PCDHGA2: variants seen among roughly 807,000 people sequenced by gnomAD.
PCDHGA2 encodes the protein protocadherin gamma subfamily A, 2.
Under a neutral mutation model 59.2 loss-of-function variants are expected in PCDHGA2, and 40 were observed. The ratio of observed to expected loss-of-function variants is 0.68; its 90% CI spans 0.52 to 0.88. The LOEUF (loss-of-function observed/expected upper bound fraction) is 0.88, where lower values mean the gene tolerates loss of function less well. Among genes scored for constraint, PCDHGA2 ranks in the 40% least tolerant of loss-of-function variants. PCDHGA2 has a pLI of 0.00. For missense variants in PCDHGA2, 1,226 were observed against 1,204.0 expected, an observed-to-expected ratio of 1.02 and a Z score of -0.27; for synonymous variants, 560 against 526.0, an observed-to-expected ratio of 1.06 and a Z score of -0.89.
At chr5:141,393,937 ACT>A in intron 1 of PCDHGA2, 3 of 1,613,906 alleles carry the variant, frequency 1.9e-6, no homozygotes, top group Non-Finnish European at 2.5e-6. Flanking sequence ...CATGACCAAG[ACT>A]CTGGAAAGAA....
At position 141,356,324 on chromosome 5, in the gene PCDHGA2, A is replaced by C. The variant is rs1206704066; in HGVS notation, c.2424+14929A>C. 3.2e-6 allele frequency: 5 copies of C among 1,554,266 alleles called. No individual in the cohort carries two copies. The East Asian group carries it at 1.2e-4, about 38-fold the overall frequency. ...GCACTTTTCAACGTGCATGACAGTG[A>C]CTCAGGAGGAAATGGCCTAGTCACA... On this transcript the variant is annotated intron_variant, in intron 1 of 3. Coordinates refer to ENST00000394576, the MANE Select transcript of PCDHGA2 (RefSeq NM_018915.4).
At chr5:141,361,287 C>A (rs762239978) in intron 1 of PCDHGA2, 1 of 1,613,944 alleles carries the variant, frequency 6.2e-7, no homozygotes, top group South Asian at 1.1e-5. Flanking sequence ...AAGTTTACTG[C>A]CAAGTGTTGG....
chr5:141,398,586 A>G, intron 1 of PCDHGA2: 2 of 1,614,054 alleles, frequency 1.2e-6, no homozygotes, highest in Non-Finnish European at 1.7e-6. Flanking sequence ...CAAGATTTAT[A>G]CTAGAAGTAG....
intron 1 of PCDHGA2, among the ~76,000 whole-genome samples, chr5:141,494,328 G>T (rs1595238527): frequency 6.6e-6 from 1 of 152,200 alleles, no homozygotes; most frequent in Non-Finnish European, 1.5e-5. Flanking sequence ...CACCAAAAGG[G>T]TTACCAAGAA....
At chr5:141,383,319 A>G (rs778348189) in intron 1 of PCDHGA2, 1 of 1,614,020 alleles carries the variant, frequency 6.2e-7, no homozygotes, top group Non-Finnish European at 8.5e-7. Context: ...AAATAAATGT[A>G]AAAATAATGG....
At chr5:141,405,380 A>G in intron 1 of PCDHGA2, 1 of 1,602,960 alleles carries the variant, frequency 6.2e-7, no homozygotes, top group Non-Finnish European at 8.5e-7. Context: ...GGTTCCGGTG[A>G]GTTCATTTTT....
Position 141,431,205 on chromosome 5 carries a change from A to T in PCDHGA2, c.2425-63602A>T, listed in dbSNP as rs1438031040. ...AAAATTAGTGAAAATGCAGCCACTG[A>T]GATGCGGTTCCCTCTACCCCACGCC... On this transcript the variant is annotated intron_variant, in intron 1 of 3. Transcript: ENST00000394576. This position sits in a 1 kb window ranked among gnomAD's most constrained non-coding sequence, Gnocchi z 4.8. 1.1e-5 allele frequency: 18 copies of T among 1,614,092 alleles called. No homozygotes were observed. Among genetic ancestry groups the T allele is most frequent in the Non-Finnish European group, 1.5e-5 (18 of 1,180,056 alleles).
intron 1 of PCDHGA2, among the ~76,000 whole-genome samples, chr5:141,449,921 C>T (rs2098659300): frequency 6.6e-6 from 1 of 151,648 alleles, no homozygotes; most frequent in African/African-American, 2.4e-5. Flanking sequence ...TTAAATTCTA[C>T]CATACCTTAT....
Position 141,432,602 on chromosome 5 carries a change from G to A in PCDHGA2, c.2425-62205G>A. The A allele has an allele frequency of 6.2e-7, 1 of 1,613,966 alleles. No homozygotes were observed. Among genetic ancestry groups the A allele is most frequent in the Non-Finnish European group, 8.5e-7 (1 of 1,179,972 alleles). On this transcript the variant is annotated intron_variant, in intron 1 of 3. Transcript: ENST00000394576. This position sits in a 1 kb window ranked among gnomAD's most constrained non-coding sequence, Gnocchi z 6.0. ...CCGTCTGCTCAAGGCCAGCGAGCCG[G>A]GACTCTTCTCGGTGGGTCTGCACAC...
intron 1 of PCDHGA2, chr5:141,370,166 G>T: frequency 2.2e-6 from 1 of 458,978 alleles, no homozygotes; most frequent in East Asian, 3.2e-5. Flanking sequence ...CTGCAGCAGA[G>T]GCGCCGGGTG....
Position 141,478,415 on chromosome 5 carries a change from C to A in PCDHGA2, c.2425-16392C>A, listed in dbSNP as rs182700706. 5.6e-6 allele frequency: 9 copies of A among 1,613,648 alleles called. No homozygotes were observed. In the East Asian group the frequency reaches 2.0e-4, roughly 36 times the overall value. ...TCAGGTGTATCTCACCACGGACTCC[C>A]GCCGCAGCGACCCGCTGCTGAAGAA... On this transcript the variant is annotated intron_variant, in intron 1 of 3. Coordinates refer to ENST00000394576, the MANE Select transcript of PCDHGA2 (RefSeq NM_018915.4).
At chr5:141,458,403 C>T (rs1057108239) in intron 1 of PCDHGA2, among the ~76,000 whole-genome samples, 6 of 152,136 alleles carry the variant, frequency 3.9e-5, no homozygotes, top group African/African-American at 1.2e-4. Context: ...CTTGCAGAGA[C>T]GGAGCGGGGG....
intron 1 of PCDHGA2, chr5:141,441,982 G>T: frequency 3.6e-6 from 1 of 277,096 alleles, no homozygotes; most frequent in South Asian, 3.6e-5. Flanking sequence ...CCTGGAATGC[G>T]CACCGACGAG....
At chr5:141,437,040 C>G (rs188070264) in intron 1 of PCDHGA2, among the ~76,000 whole-genome samples, 1 of 152,266 alleles carries the variant, frequency 6.6e-6, no homozygotes, top group African/African-American at 2.4e-5. Flanking sequence ...ATCACCGAAA[C>G]CAGAAGGCTG....
At chr5:141,368,149 A>G (rs1022944602) in intron 1 of PCDHGA2, among the ~76,000 whole-genome samples, 6 of 152,184 alleles carry the variant, frequency 3.9e-5, no homozygotes, top group African/African-American at 1.4e-4. Context: ...TTGTACTTTT[A>G]AAACCTTGAG....
Position 141,377,593 on chromosome 5 carries a change from C to T in PCDHGA2, c.2424+36198C>T, listed in dbSNP as rs923684056. 2.8e-4 allele frequency: 40 copies of T among 144,542 alleles called. 1 individual carries two copies. The highest frequency in any genetic ancestry group is 4.7e-4 in the African/African-American group (18 of 38,630). 9.0% of individuals were successfully genotyped at this position (144,542 alleles called of 1,614,324 possible). On this transcript the variant is annotated intron_variant, in intron 1 of 3. Transcript: ENST00000394576. ...CCTGGGAGACAGAATGAGACTTTTT[C>T]TCTCTCTCTCTCAAAAAAAAAAAAA...
At position 141,375,585 on chromosome 5, in the gene PCDHGA2, T is replaced by A. The variant is rs765334095; in HGVS notation, c.2424+34190T>A. 3.1e-6 allele frequency: 5 copies of A among 1,614,014 alleles called. No individual in the cohort carries two copies. The African/African-American group carries it at 6.7e-5, about 22-fold the overall frequency. ...GAAGACACCCTCCAGGGGGCGCCCC[T>A]GTCCTCCTACGTGTCCATCAACTCC... On this transcript the variant is annotated intron_variant, in intron 1 of 3. Transcript: ENST00000394576.
intron 1 of PCDHGA2, among the ~76,000 whole-genome samples, chr5:141,448,842 G>A (rs943887884): frequency 6.6e-6 from 1 of 152,182 alleles, no homozygotes; most frequent in Non-Finnish European, 1.5e-5. Context: ...CTACTCTGGA[G>A]GCTGAGGCAG....
At chr5:141,352,363 C>T in intron 1 of PCDHGA2, 2 of 1,614,078 alleles carry the variant, frequency 1.2e-6, no homozygotes, top group South Asian at 2.2e-5. Context: ...TCTTTCTCCT[C>T]GCGGTGATTC....
Sources: gnomAD v4.1 joint callset for allele counts (sites outside exome capture counted in the v4.1 genomes callset) on GRCh38, gnomAD v4.1.1 for gene constraint, Gnocchi (gnomAD v3.1) non-coding constraint, MANE v1.5 for transcripts, NCBI Gene and HGNC (gene_info 2026-07-23, HGNC 2026-07-21) for gene names.